BCAS3: variants seen among roughly 807,000 people sequenced by gnomAD.
The protein encoded by BCAS3 is BCAS3 microtubule associated cell migration factor, also known as BCAS4/BCAS3 fusion.
A neutral mutation model predicts 116.1 loss-of-function variants in BCAS3; 53 were observed. That is an observed-to-expected ratio of 0.46 (90% CI 0.37 to 0.57). The LOEUF is 0.57. Ranked by LOEUF, BCAS3 falls within the 20% of genes least tolerant of loss-of-function variation. BCAS3 has a pLI of 0.00. For synonymous variants in BCAS3, 391 were observed against 408.2 expected (o/e 0.96, Z 0.51); for missense variants, 917 against 1,165.4 (o/e 0.79, Z 3.10).
At chr17:61,386,013 G>A (rs1229559648) in intron 23 of BCAS3, among the ~76,000 whole-genome samples, 3 of 152,200 alleles carry the variant, frequency 2.0e-5, no homozygotes, top group African/African-American at 7.2e-5. Context: ...CTGTAGTCCT[G>A]TGGATCATCA....
intron 19 of BCAS3, among the ~76,000 whole-genome samples, chr17:61,049,390 A>G (rs764638173): frequency 2.0e-5 from 3 of 152,044 alleles, no homozygotes; most frequent in Non-Finnish European, 4.4e-5. Context: ...TGTTTCTAAA[A>G]TGAAACACAG....
Position 61,228,072 on chromosome 17 carries a change from C to T in BCAS3, c.2426-140255C>T, listed in dbSNP as rs2082463462. On this transcript the variant is annotated intron_variant, in intron 22 of 23. Coordinates refer to ENST00000407086, the MANE Select transcript of BCAS3 (RefSeq NM_017679.5). This position sits in a 1 kb window ranked among gnomAD's most constrained non-coding sequence, Gnocchi z 5.0. ...CTAAGAAGGCCCCTTCCTTTACACA[C>T]ATTCCTGCATACTCCTGCTTCACCC... Among the ~76,000 whole-genome samples, 1 of 152,196 alleles carries T rather than the reference C, an allele frequency of 6.6e-6. No homozygotes were observed. Among genetic ancestry groups the T allele is most frequent in the South Asian group, 2.1e-4 (1 of 4,836 alleles).
chr17:60,973,562 A>G (rs573147565), intron 14 of BCAS3, among the ~76,000 whole-genome samples: 1 of 147,336 alleles, frequency 6.8e-6, no homozygotes, highest in East Asian at 2.0e-4. Flanking sequence ...CTGCTGCCCT[A>G]GACATTGCTA....
intron 12 of BCAS3, among the ~76,000 whole-genome samples, chr17:60,917,802 AGG>A (rs1328447703): frequency 2.0e-5 from 3 of 152,158 alleles, no homozygotes; most frequent in Non-Finnish European, 4.4e-5. Flanking sequence ...TATGTTGGCT[AGG>A]CTGGTCTCAA....
chr17:61,067,841 C>T (rs2070889356), intron 19 of BCAS3, among the ~76,000 whole-genome samples: 1 of 151,642 alleles, frequency 6.6e-6, no homozygotes, highest in Non-Finnish European at 1.5e-5. Flanking sequence ...TATTTACTCA[C>T]TATAAGCATG....
intron 22 of BCAS3, among the ~76,000 whole-genome samples, chr17:61,096,998 G>C (rs953345506): frequency 6.6e-6 from 1 of 152,190 alleles, no homozygotes; most frequent in Non-Finnish European, 1.5e-5. Context: ...TGCATGAAGG[G>C]TTGAGAATTT....
Position 61,307,253 on chromosome 17 carries a change from G to T in BCAS3, c.2426-61074G>T, listed in dbSNP as rs902814303. Among the ~76,000 whole-genome samples the T allele has an allele frequency of 2.6e-5, 4 of 152,172 alleles. No homozygotes were observed. The highest frequency in any genetic ancestry group is 9.7e-5 in the African/African-American group (4 of 41,442). On this transcript the variant is annotated intron_variant, in intron 22 of 23. Coordinates refer to ENST00000407086, the MANE Select transcript of BCAS3 (RefSeq NM_017679.5). This position sits in a 1 kb window ranked among gnomAD's most constrained non-coding sequence, Gnocchi z 4.7. ...ACCCCACAGTTACACCTCAGCTGTG[G>T]GTTCCTCTGGGACTGTTCCCCAGAA... is the stretch of plus-strand genomic sequence containing the variant.
At chr17:60,971,158 G>A (rs2061936445) in intron 14 of BCAS3, among the ~76,000 whole-genome samples, 1 of 152,128 alleles carries the variant, frequency 6.6e-6, no homozygotes, top group Admixed American at 6.5e-5. Flanking sequence ...ACTATGATTT[G>A]TTTGCAGAAC....
At chr17:61,055,844 TA>T (rs2069325227) in intron 19 of BCAS3, among the ~76,000 whole-genome samples, 1 of 152,362 alleles carries the variant, frequency 6.6e-6, no homozygotes, top group Middle Eastern at 3.4e-3. Flanking sequence ...ATTTATTTTC[TA>T]GAAATGATTT....
At chr17:61,046,409 T>C (rs992216437) in intron 19 of BCAS3, among the ~76,000 whole-genome samples, 2 of 151,548 alleles carry the variant, frequency 1.3e-5, no homozygotes, top group African/African-American at 4.8e-5. Context: ...TTCCTTGGTG[T>C]CATGGGAAAT....
chr17:60,901,926 C>G (rs1299315402), intron 10 of BCAS3, among the ~76,000 whole-genome samples: 1 of 152,100 alleles, frequency 6.6e-6, no homozygotes, highest in African/African-American at 2.4e-5. Context: ...AAGTAGAGGA[C>G]CAGTGGAGAA....
intron 14 of BCAS3, among the ~76,000 whole-genome samples, chr17:60,978,396 A>G (rs1281563241): frequency 3.3e-5 from 5 of 150,992 alleles, no homozygotes; most frequent in Admixed American, 6.6e-5. Context: ...TAGATTCTGG[A>G]TATTAGCCCT....
intron 6 of BCAS3, among the ~76,000 whole-genome samples, chr17:60,773,659 T>C (rs1472543313): frequency 6.6e-6 from 1 of 152,086 alleles, no homozygotes; most frequent in Non-Finnish European, 1.5e-5. Flanking sequence ...TTTTTTTATT[T>C]ATTCTTGAGA....
At chr17:60,774,045 A>G (rs945452990) in intron 6 of BCAS3, among the ~76,000 whole-genome samples, 1 of 152,110 alleles carries the variant, frequency 6.6e-6, no homozygotes, top group Non-Finnish European at 1.5e-5. Context: ...TATTTTCTTT[A>G]CAATGCCTTT....
At position 61,227,956 on chromosome 17, in the gene BCAS3, A is replaced by T. The variant is rs2082455507; in HGVS notation, c.2426-140371A>T. 2.0e-5 allele frequency among the ~76,000 whole-genome samples: 3 copies of T among 152,194 alleles called. No homozygotes were observed. Among genetic ancestry groups the T allele is most frequent in the Admixed American group, 2.0e-4 (3 of 15,284 alleles). Reference sequence around the variant, plus strand: ...GTGAACCCTCAGGGAAATAAAGTGCAAAGGCTTAGCCACAGGTGTAGCCAT... The same window carrying T: ...GTGAACCCTCAGGGAAATAAAGTGCTAAGGCTTAGCCACAGGTGTAGCCAT... On this transcript the variant is annotated intron_variant, in intron 22 of 23. Transcript: ENST00000407086. This position sits in a 1 kb window ranked among gnomAD's most constrained non-coding sequence, Gnocchi z 6.1.
In BCAS3 at chr17:60,747,190, T is replaced by G. The variant is rs1598428164; in HGVS notation, c.322-8T>G. The G allele has an allele frequency of 6.3e-7, 1 of 1,598,672 alleles. No individual in the cohort carries two copies. The highest frequency in any genetic ancestry group is 8.6e-7 in the Non-Finnish European group (1 of 1,167,038). On this transcript the variant is annotated splice_polypyrimidine_tract_variant and splice_region_variant and intron_variant, in intron 5 of 23. Transcript: ENST00000407086. The stretch of plus-strand genomic sequence containing the variant: ...CCACTGAAATATTTTCTTTCTTCTC[T>G]TATGCAGATCAGTGGTGAAGCACAA...
In BCAS3 at chr17:61,128,182, C is replaced by A. The variant is rs2076143797; in HGVS notation, c.2425+43618C>A. 2.0e-6 allele frequency: 2 copies of A among 985,260 alleles called. No homozygotes were observed. The highest frequency in any genetic ancestry group is 4.7e-5 in the South Asian group (1 of 21,296). 61.0% of individuals were successfully genotyped at this position (985,260 alleles called of 1,614,324 possible). A position where few individuals can be genotyped will look rare whatever the true frequency, so the allele number is the denominator to read the frequency against. On this transcript the variant is annotated intron_variant, in intron 22 of 23. Coordinates refer to ENST00000407086, the MANE Select transcript of BCAS3 (RefSeq NM_017679.5). This position sits in a 1 kb window ranked among gnomAD's most constrained non-coding sequence, Gnocchi z 4.1. ...CTCAATCTGGTTTTCTTTTAGGAAG[C>A]CTTCCACCAGGAATAGTGTGAGTCA...
intron 22 of BCAS3, among the ~76,000 whole-genome samples, chr17:61,216,917 T>G (rs571908333): frequency 6.6e-6 from 1 of 152,226 alleles, no homozygotes; most frequent in South Asian, 2.1e-4. Context: ...GTGCATCTGC[T>G]TGAATCTAAA....
At chr17:61,050,417 A>C (rs557363089) in intron 19 of BCAS3, among the ~76,000 whole-genome samples, 2 of 151,994 alleles carry the variant, frequency 1.3e-5, no homozygotes, top group Non-Finnish European at 2.9e-5. Context: ...GTGTGTATAT[A>C]TATGTGTGTA....
Sources: allele counts gnomAD v4.1 joint callset (sites outside exome capture counted in the v4.1 genomes callset), GRCh38; gene constraint gnomAD v4.1.1; non-coding constraint Gnocchi (gnomAD v3.1); transcripts MANE v1.5; gene names NCBI Gene and HGNC (gene_info 2026-07-23, HGNC 2026-07-21).